The following COL4A5 variants were observed in gnomAD, a reference collection of about 807,000 sequenced individuals.
COL4A5 encodes the protein collagen alpha-5(IV) chain.
Under a neutral mutation model 130.2 loss-of-function variants are expected in COL4A5, and 26 were observed. The ratio of observed to expected loss-of-function variants is 0.20; its 90% confidence interval spans 0.15 to 0.28. The LOEUF (loss-of-function observed/expected upper bound fraction) is 0.28, where lower values mean the gene tolerates loss of function less well. Among genes scored for constraint, COL4A5 ranks in the 10% least tolerant of loss-of-function variants. The pLI, the probability that COL4A5 is intolerant of heterozygous loss-of-function variation, is 1.00. For missense variants in COL4A5, 1,131 were observed against 1,344.3 expected, an observed-to-expected ratio of 0.84 and a Z score of 2.48; for synonymous variants, 496 against 439.6, an observed-to-expected ratio of 1.13 and a Z score of -1.60.
At chrX:108,441,758 C>A (rs2064402308) in intron 1 of COL4A5, among the ~76,000 whole-genome samples, 2 of 111,465 alleles carry the variant, frequency 1.8e-5, no homozygotes, top group South Asian at 3.8e-4. Flanking sequence ...GCATTTGGCC[C>A]AGGGACAAAG....
At chrX:108,544,038 A>G (rs1420596129) in intron 2 of COL4A5, among the ~76,000 whole-genome samples, 5 of 112,096 alleles carry the variant, frequency 4.5e-5, no homozygotes, top group Admixed American at 1.9e-4. Context: ...TAGATATACA[A>G]TCATGTCATC....
In COL4A5 at chrX:108,588,330, A is replaced by G. The variant is rs1042206061; in HGVS notation, c.1165+1583A>G. ...TCAGTGATCTTTCCCAAGAGAAAGAAAATAAATATAGGTTCCATTATGCTC... is the reference window on the plus strand; with the variant it reads ...TCAGTGATCTTTCCCAAGAGAAAGAGAATAAATATAGGTTCCATTATGCTC... On this transcript the variant is annotated intron_variant, in intron 19 of 52. Transcript: ENST00000328300. 3.6e-5 allele frequency among the ~76,000 whole-genome samples: 4 copies of G among 111,577 alleles called. No individual in the cohort carries two copies. The Admixed American group carries it at 3.8e-4, about 11-fold the overall frequency.
In COL4A5 at chrX:108,565,984, C is replaced by CT. The variant is rs113282994; in HGVS notation, c.276+2076dup. On this transcript the variant is annotated intron_variant, in intron 4 of 52. Transcript: ENST00000328300. Reference sequence around the variant, plus strand: ...GCAGCATGAATATCAGGCTATTCTTCTTTTTTTTTTTTTTTTTTGATGTTA... The same window carrying CT: ...GCAGCATGAATATCAGGCTATTCTTCTTTTTTTTTTTTTTTTTTTGATGTTA... Among the ~76,000 whole-genome samples, 549 of 86,708 alleles carry CT rather than the reference C, an allele frequency of 6.3e-3. 3 individuals carry two copies. The East Asian group carries it at 0.069, about 11-fold the overall frequency. 75.3% of individuals were successfully genotyped at this position (86,708 alleles called of 115,157 possible). A position where few individuals can be genotyped will look rare whatever the true frequency, so the allele number is the denominator to read the frequency against.
chrX:108,482,446 G>A (rs1418523761), intron 1 of COL4A5, among the ~76,000 whole-genome samples: 1 of 111,375 alleles, frequency 9.0e-6, no homozygotes, highest in Non-Finnish European at 1.9e-5. Flanking sequence ...AAGGTGGAAA[G>A]GCTGATGGCA....
chrX:108,547,652 G>T (rs755433989), intron 2 of COL4A5, among the ~76,000 whole-genome samples: 1 of 112,039 alleles, frequency 8.9e-6, no homozygotes, highest in Admixed American at 9.4e-5. Flanking sequence ...ATAGGGACAT[G>T]TAAGTCTGCA....
chrX:108,465,631 CT>C (rs2064698584), intron 1 of COL4A5, among the ~76,000 whole-genome samples: 1 of 111,398 alleles, frequency 9.0e-6, no homozygotes, highest in Non-Finnish European at 1.9e-5. Flanking sequence ...TTTCTTTGAT[CT>C]TTATTGCCCT....
chrX:108,665,685 A>G (rs2068063370), intron 38 of COL4A5, 98 bp downstream of exon 38: 2 of 594,200 alleles, frequency 3.4e-6, no homozygotes, highest in Non-Finnish European at 5.6e-6. Context: ...AACATTTTCA[A>G]CACAAGGAAA....
chrX:108,526,596 CT>C (rs1569481117), intron 1 of COL4A5, among the ~76,000 whole-genome samples: 286 of 17,427 alleles, frequency 0.016, 8 homozygotes, highest in African/African-American at 0.057. Context: ...TCCCTCCCTC[CT>C]TTCTTTCTTT....
chrX:108,473,633 A>ATATATATAT, intron 1 of COL4A5, among the ~76,000 whole-genome samples: 1 of 34,567 alleles, frequency 2.9e-5, no homozygotes, highest in African/African-American at 1.1e-4. Flanking sequence ...ATATATATAT[A>ATATATATAT]TTTTTTTTTT....
At chrX:108,492,841 T>C (rs973386328) in intron 1 of COL4A5, among the ~76,000 whole-genome samples, 5 of 111,607 alleles carry the variant, frequency 4.5e-5, no homozygotes, top group African/African-American at 1.6e-4. Flanking sequence ...TTTGCTCAAC[T>C]GCAGAAAATC....
intron 1 of COL4A5, among the ~76,000 whole-genome samples, chrX:108,465,760 G>A (rs1386044029): frequency 9.0e-6 from 1 of 111,558 alleles, no homozygotes; most frequent in Non-Finnish European, 1.9e-5. Context: ...ATTTTGGTGT[G>A]CAGTGTGAGT....
intron 1 of COL4A5, among the ~76,000 whole-genome samples, chrX:108,495,584 T>C (rs1024965676): frequency 4.5e-5 from 5 of 111,676 alleles, no homozygotes; most frequent in African/African-American, 1.6e-4. Flanking sequence ...GGAAGGAACA[T>C]TATTGGGAAA....
Position 108,655,414 on chromosome X carries a change from A to G in COL4A5, c.3330A>G (p.Gly1110=). ...VGDPGLPGLP[G]TPGAKGQPGL... ...ATCCTGGTTTGCCCGGATTACCAGG[A>G]ACCCCTGGAGCAAAAGGACAACCAG... is the stretch of plus-strand genomic sequence containing the variant. Residue 1110 remains glycine (G), a synonymous_variant, in exon 37 of 53, where the codon GGA becomes GGG. Coordinates refer to ENST00000328300, the MANE Select transcript of COL4A5 (RefSeq NM_033380.3). 8.3e-7 allele frequency: 1 copy of G among 1,211,294 alleles called. No homozygotes were observed. The highest frequency in any genetic ancestry group is 1.8e-5 in the South Asian group (1 of 56,972).
chrX:108,582,831 T>C, intron 16 of COL4A5, 53 bp from the exon 17 acceptor site: 4 of 1,012,333 alleles, frequency 4.0e-6, no homozygotes, highest in Non-Finnish European at 5.6e-6. Flanking sequence ...TCTTTGGAGA[T>C]TTCCTAACAC....
At chrX:108,464,012 A>T (rs755218662) in intron 1 of COL4A5, among the ~76,000 whole-genome samples, 2 of 112,166 alleles carry the variant, frequency 1.8e-5, no homozygotes, top group African/African-American at 3.2e-5. Context: ...CATGGATGTC[A>T]GACTCGACTT....
chrX:108,635,311 T>C (rs2067333695), intron 36 of COL4A5, among the ~76,000 whole-genome samples: 1 of 111,541 alleles, frequency 9.0e-6, no homozygotes, highest in Non-Finnish European at 1.9e-5. Flanking sequence ...GGAAAAGGAA[T>C]GAAACACTTT....
At chrX:108,503,451 G>A (rs2065098530) in intron 1 of COL4A5, among the ~76,000 whole-genome samples, 1 of 111,661 alleles carries the variant, frequency 9.0e-6, no homozygotes, top group Non-Finnish European at 1.9e-5. Flanking sequence ...ATCCAAATTG[G>A]AAAGGAGGAA....
chrX:108,649,112 A>G (rs1481594150), intron 36 of COL4A5, among the ~76,000 whole-genome samples: 1 of 111,370 alleles, frequency 9.0e-6, no homozygotes, highest in Non-Finnish European at 1.9e-5. Flanking sequence ...CAAGCAGAGA[A>G]TCAAATCAAG....
chrX:108,575,815 C>T (rs781768265), intron 9 of COL4A5, 95 bp from the exon 10 acceptor site: 162 of 608,614 alleles, frequency 2.7e-4, no homozygotes, highest in South Asian at 8.0e-4. Flanking sequence ...CCAGCCTGGG[C>T]GACACAAGTG....
Sources: gnomAD v4.1 joint callset for allele counts (sites outside exome capture counted in the v4.1 genomes callset) on GRCh38, gnomAD v4.1.1 for gene constraint, MANE v1.5 for transcripts, NCBI Gene and HGNC (gene_info 2026-07-23, HGNC 2026-07-21) for gene names.